SMOC2: variants seen among roughly 807,000 people sequenced by gnomAD.
SMOC2 encodes SPARC related modular calcium binding 2.
A neutral mutation model predicts 61.4 loss-of-function variants in SMOC2; 39 were observed. The ratio of observed to expected loss-of-function variants is 0.64; its 90% CI spans 0.49 to 0.83. SMOC2 has a LOEUF of 0.83. Among genes scored for constraint, SMOC2 ranks in the 40% least tolerant of loss-of-function variants. The probability of loss-of-function intolerance (pLI) is 0.00; values close to 1 mark genes in which losing one functional copy is unlikely to be tolerated. For synonymous variants in SMOC2, 247 were observed against 239.9 expected (o/e 1.03, Z -0.27); for missense variants, 556 against 592.9 (o/e 0.94, Z 0.65).
At chr6:168,652,631 C>T (rs547005550) in intron 10 of SMOC2, among the ~76,000 whole-genome samples, 4 of 151,982 alleles carry the variant, frequency 2.6e-5, no homozygotes, top group East Asian at 1.9e-4. Context: ...GTGTGTCGGG[C>T]GGGTATAGCT....
In SMOC2 at chr6:168,452,547, A is replaced by G. The variant is rs1781487931; in HGVS notation, c.84+11093A>G. Among the ~76,000 whole-genome samples the G allele has an allele frequency of 6.6e-6, 1 of 152,224 alleles. No individual in the cohort carries two copies. ...AGTGTTCTCCAGTAATAGGATTCTC[A>G]GACATGTGATTTTCATGAGGGATTT... On this transcript the variant is annotated intron_variant, in intron 1 of 12. Coordinates refer to ENST00000356284, the MANE Select transcript of SMOC2 (RefSeq NM_001166412.2). The surrounding 1 kb of genome is among the most constrained non-coding windows in gnomAD (Gnocchi z 5.0).
chr6:168,628,883 C>G (rs565026049), intron 9 of SMOC2, among the ~76,000 whole-genome samples: 1 of 152,222 alleles, frequency 6.6e-6, no homozygotes, highest in Non-Finnish European at 1.5e-5. Flanking sequence ...TCGGAACACA[C>G]AGTTTCCGAC....
Position 168,471,272 on chromosome 6 carries a change from G to A in SMOC2, c.84+29818G>A, listed in dbSNP as rs73270981. ...CTTTCTGTCTCTATCAGTTTGCTCC[G>A]AGAATTCTATCAATCTGTCTTTATT... On this transcript the variant is annotated intron_variant, in intron 1 of 12. Coordinates refer to ENST00000356284, the MANE Select transcript of SMOC2 (RefSeq NM_001166412.2). 4.2e-3 allele frequency among the ~76,000 whole-genome samples: 645 copies of A among 152,170 alleles called. 7 individuals carry two copies. The highest frequency in any genetic ancestry group is 0.015 in the African/African-American group (603 of 41,494).
intron 1 of SMOC2, among the ~76,000 whole-genome samples, chr6:168,491,430 T>A (rs1043798796): frequency 6.6e-6 from 1 of 152,172 alleles, no homozygotes; most frequent in East Asian, 1.9e-4. Flanking sequence ...CATGGCAGTC[T>A]GAGAAGTTTC....
intron 9 of SMOC2, among the ~76,000 whole-genome samples, chr6:168,627,396 T>G (rs897856405): frequency 1.3e-5 from 2 of 152,252 alleles, no homozygotes; most frequent in African/African-American, 4.8e-5. Context: ...TTTTATCTCC[T>G]GATTGCTTGC....
intron 11 of SMOC2, among the ~76,000 whole-genome samples, chr6:168,653,863 G>C (rs1787270411): frequency 8.3e-6 from 1 of 120,982 alleles, no homozygotes; most frequent in African/African-American, 3.4e-5. Context: ...CCCTGCACCT[G>C]AGCTCCAACC....
chr6:168,667,657 G>A lies in SMOC2; in HGVS notation c.*1219G>A, dbSNP rs564811210. 2 of 152,318 alleles carry A rather than the reference G, an allele frequency of 1.3e-5. No individual in the cohort carries two copies. Among genetic ancestry groups the A allele is most frequent in the South Asian group, 2.1e-4 (1 of 4,824 alleles). 9.4% of individuals were successfully genotyped at this position (152,318 alleles called of 1,614,324 possible). A position where few individuals can be genotyped will look rare whatever the true frequency, so the allele number is the denominator to read the frequency against. On this transcript the variant is annotated 3_prime_UTR_variant, in exon 13 of 13. Coordinates refer to ENST00000356284, the MANE Select transcript of SMOC2 (RefSeq NM_001166412.2). ...CAGTGTCTTAAGGAACCATTTGGAG[G>A]ACAGTCTGAGAGCAGGAACTTCAAG...
chr6:168,549,400 C>G (rs1784080762), intron 7 of SMOC2, among the ~76,000 whole-genome samples, 197 bp downstream of exon 7: 1 of 151,890 alleles, frequency 6.6e-6, no homozygotes. Context: ...GACTGGCAGC[C>G]TTACCCATAA....
Position 168,570,228 on chromosome 6 carries a change from G to A in SMOC2, c.637+21025G>A, listed in dbSNP as rs143124136. On this transcript the variant is annotated intron_variant, in intron 7 of 12. Transcript: ENST00000356284. ...TGGGCTGAGCAGCCGAATGGGAATA[G>A]AACTAAAGGTGACTAGAAAAAACGT... Among the ~76,000 whole-genome samples the A allele has an allele frequency of 1.0e-3, 157 of 152,216 alleles. 1 individual carries two copies. Among genetic ancestry groups the A allele is most frequent in the Admixed American group, 7.9e-3 (121 of 15,286 alleles).
chr6:168,621,969 C>T (rs1021713226), intron 9 of SMOC2, among the ~76,000 whole-genome samples: 3 of 148,322 alleles, frequency 2.0e-5, no homozygotes, highest in African/African-American at 5.0e-5. Context: ...GATTAATCTT[C>T]TTTTTTTTTT....
chr6:168,610,977 C>T (rs58335658), intron 9 of SMOC2, among the ~76,000 whole-genome samples: 39,125 of 152,116 alleles, frequency 0.26, 5,140 homozygotes, highest in Non-Finnish European at 0.27. Context: ...CCAGCCCTTC[C>T]TAAACCACAC....
At chr6:168,637,005 C>T (rs967753697) in intron 9 of SMOC2, among the ~76,000 whole-genome samples, 2 of 150,508 alleles carry the variant, frequency 1.3e-5, no homozygotes, top group Non-Finnish European at 3.0e-5. Context: ...CTCCCTCACT[C>T]ATTCCAAGTC....
At chr6:168,465,283 C>A (rs1781801858) in intron 1 of SMOC2, among the ~76,000 whole-genome samples, 1 of 152,016 alleles carries the variant, frequency 6.6e-6, no homozygotes, top group South Asian at 2.1e-4. Flanking sequence ...TTCTTTTAAA[C>A]CCTTGGTTAT....
chr6:168,558,712 A>T (rs768952386), intron 7 of SMOC2, among the ~76,000 whole-genome samples: 6 of 152,222 alleles, frequency 3.9e-5, no homozygotes, highest in Non-Finnish European at 8.8e-5. Flanking sequence ...CTCGGCAAAT[A>T]GGGATTCAGG....
intron 9 of SMOC2, among the ~76,000 whole-genome samples, chr6:168,647,374 G>A (rs553518263): frequency 3.3e-5 from 5 of 152,292 alleles, no homozygotes; most frequent in East Asian, 3.9e-4. Flanking sequence ...GGTTCTCAGC[G>A]GGCAGCTTCC....
chr6:168,538,817 C>G (rs1469837829), intron 4 of SMOC2, among the ~76,000 whole-genome samples: 1 of 151,570 alleles, frequency 6.6e-6, no homozygotes, highest in Non-Finnish European at 1.5e-5. Flanking sequence ...GGGGTGACCC[C>G]TGCTGGAATC....
At chr6:168,558,877 G>GTT (rs1281867398) in intron 7 of SMOC2, among the ~76,000 whole-genome samples, 2 of 148,968 alleles carry the variant, frequency 1.3e-5, no homozygotes, top group African/African-American at 5.0e-5. Context: ...GTGCATGTGT[G>GTT]TGCGTGTGTG....
In SMOC2 at chr6:168,544,070, A is replaced by G. The variant is rs941716331; in HGVS notation, c.511+398A>G. Among the ~76,000 whole-genome samples the G allele has an allele frequency of 2.0e-5, 3 of 152,184 alleles. No homozygotes were observed. Among genetic ancestry groups the G allele is most frequent in the East Asian group, 3.9e-4 (2 of 5,184 alleles). The stretch of plus-strand genomic sequence containing the variant: ...CCTCCCTACAAGGAGGAAGAGGAAC[A>G]GTTTTTCTACCTACAGCAATCCCTG... On this transcript the variant is annotated intron_variant, in intron 5 of 12. Transcript: ENST00000356284. This position sits in a 1 kb window ranked among gnomAD's most constrained non-coding sequence, Gnocchi z 4.1.
At chr6:168,524,413 C>A (rs923263022) in intron 2 of SMOC2, among the ~76,000 whole-genome samples, 3 of 152,152 alleles carry the variant, frequency 2.0e-5, no homozygotes, top group Non-Finnish European at 4.4e-5. Context: ...TTCTATTAAA[C>A]CCAAGAGCTG....
Sources: gnomAD v4.1 joint callset for allele counts (sites outside exome capture counted in the v4.1 genomes callset) on GRCh38, gnomAD v4.1.1 for gene constraint, Gnocchi (gnomAD v3.1) non-coding constraint, MANE v1.5 for transcripts, NCBI Gene and HGNC (gene_info 2026-07-23, HGNC 2026-07-21) for gene names.